The following RYR3 variants were observed in gnomAD, a reference collection of about 807,000 sequenced individuals.
RYR3 encodes the protein ryanodine receptor 3, also known as brain ryanodine receptor-calcium release channel.
Under a neutral mutation model 584.3 loss-of-function variants are expected in RYR3, and 207 were observed. The observed-to-expected ratio is 0.35, with a 90% CI of 0.32 to 0.40. RYR3 has a LOEUF of 0.40. Ranked by LOEUF, RYR3 falls within the 10% of genes least tolerant of loss-of-function variation. The pLI, the probability that RYR3 is intolerant of heterozygous loss-of-function variation, is 1.00. For synonymous variants in RYR3, 2,416 were observed against 2,248.5 expected (o/e 1.07, Z -2.11); for missense variants, 5,616 against 6,089.2 (o/e 0.92, Z 2.59).
chr15:33,488,931 A>G (rs2050731630), intron 2 of RYR3, among the ~76,000 whole-genome samples: 1 of 152,230 alleles, frequency 6.6e-6, no homozygotes, highest in African/African-American at 2.4e-5. Context: ...TTTTCAAACC[A>G]GGAGGTAAAA....
At chr15:33,643,493 TAGGA>T (rs2061942770) in intron 27 of RYR3, among the ~76,000 whole-genome samples, 1 of 152,166 alleles carries the variant, frequency 6.6e-6, no homozygotes, top group South Asian at 2.1e-4. Context: ...ATGATAGCTG[TAGGA>T]AGGAAGAGAG....
intron 1 of RYR3, among the ~76,000 whole-genome samples, chr15:33,391,761 T>C (rs1440308925): frequency 1.3e-5 from 2 of 152,216 alleles, no homozygotes; most frequent in East Asian, 3.8e-4. Context: ...TTTCCATTTC[T>C]TTAGGGTTCT....
rs773780181 is a variant in RYR3 at position 33,841,915 on chromosome 15, G to A, written c.13089G>A (p.Glu4363=). 6 of 1,597,634 alleles carry A rather than the reference G, an allele frequency of 3.8e-6. No individual in the cohort carries two copies. Among genetic ancestry groups the A allele is most frequent in the African/African-American group, 1.3e-5 (1 of 74,626 alleles). The change falls in exon 91 of 104, where the codon GAG becomes GAA. Residue 4363 remains glutamate (E), a synonymous_variant. Coordinates refer to ENST00000634891, the MANE Select transcript of RYR3 (RefSeq NM_001036.6). Reference sequence around the variant, plus strand: ...AAGACAAAGAAGAGGAGCAAGCTGAGTACCTGTGGACAGAAGTGACAAAAA... The same window carrying A: ...AAGACAAAGAAGAGGAGCAAGCTGAATACCTGTGGACAGAAGTGACAAAAA... The part of the protein sequence containing the change: ...EDKDKEEEQA[E]YLWTEVTKKK...
intron 94 of RYR3, chr15:33,850,565 T>C (rs2079033092): frequency 6.6e-6 from 1 of 150,376 alleles, no homozygotes; most frequent in Non-Finnish European, 1.5e-5. Flanking sequence ...TAGACCAATG[T>C]TTAATTTTTT....
intron 1 of RYR3, among the ~76,000 whole-genome samples, chr15:33,399,682 C>T (rs189627195): frequency 3.8e-4 from 58 of 152,112 alleles, no homozygotes; most frequent in Non-Finnish European, 6.9e-4. Context: ...TGTTCATGGG[C>T]GACAGCTGCT....
Position 33,613,177 on chromosome 15 carries a change from C to A in RYR3, c.2165-6C>A, listed in dbSNP as rs773031795. On this transcript the variant is annotated splice_polypyrimidine_tract_variant and splice_region_variant and intron_variant, in intron 18 of 103. Coordinates refer to ENST00000634891, the MANE Select transcript of RYR3 (RefSeq NM_001036.6). The stretch of plus-strand genomic sequence containing the variant: ...CACAGCCTTCTTCCTGTTCTTTCCT[C>A]ACCAGGCCGGATACCCAGAGCTGTG... The A allele has an allele frequency of 7.4e-6, 12 of 1,611,906 alleles. No homozygotes were observed. The highest frequency in any genetic ancestry group is 8.5e-7 in the Non-Finnish European group (1 of 1,178,582).
At chr15:33,472,512 C>T (rs567640643) in intron 1 of RYR3, among the ~76,000 whole-genome samples, 5 of 152,284 alleles carry the variant, frequency 3.3e-5, no homozygotes, top group East Asian at 3.9e-4. Context: ...AGGTCACTTC[C>T]GTAACTTAAC....
intron 21 of RYR3, among the ~76,000 whole-genome samples, chr15:33,629,347 A>G (rs887065213): frequency 5.3e-5 from 8 of 152,262 alleles, no homozygotes; most frequent in Non-Finnish European, 8.8e-5. Flanking sequence ...AAAAGTGTAA[A>G]ATAGTCACCA....
chr15:33,356,088 G>GAGTATACTCACA (rs1260585025), intron 1 of RYR3, among the ~76,000 whole-genome samples: 5 of 152,116 alleles, frequency 3.3e-5, no homozygotes, highest in African/African-American at 1.2e-4. Context: ...GTATAGATTT[G>GAGTATACTCACA]TGAATCATGC....
intron 3 of RYR3, among the ~76,000 whole-genome samples, chr15:33,517,543 G>A (rs537072744): frequency 1.8e-4 from 27 of 152,186 alleles, no homozygotes; most frequent in African/African-American, 3.6e-4. Flanking sequence ...AAATACAGTC[G>A]TCGTTTTCTC....
At chr15:33,852,281 G>C (rs773303741) in intron 94 of RYR3, 1 of 152,218 alleles carries the variant, frequency 6.6e-6, no homozygotes, top group Non-Finnish European at 1.5e-5. Flanking sequence ...ATTCTGGATA[G>C]GAACAACATA....
intron 75 of RYR3, among the ~76,000 whole-genome samples, chr15:33,817,857 T>G (rs552448885): frequency 1.1e-4 from 16 of 152,304 alleles, no homozygotes; most frequent in African/African-American, 3.9e-4. Flanking sequence ...CCCATGTAGT[T>G]CTCACCAATT....
chr15:33,352,473 A>T (rs1009907760), intron 1 of RYR3, among the ~76,000 whole-genome samples: 12 of 151,998 alleles, frequency 7.9e-5, no homozygotes, highest in African/African-American at 2.7e-4. Flanking sequence ...CTAGATTCCC[A>T]CTGCTGAGCC....
intron 38 of RYR3, among the ~76,000 whole-genome samples, chr15:33,682,120 C>G (rs2064670350): frequency 6.6e-6 from 1 of 152,212 alleles, no homozygotes; most frequent in Admixed American, 6.5e-5. Context: ...GTTACACCAA[C>G]TTTGGTAGGT....
intron 2 of RYR3, among the ~76,000 whole-genome samples, chr15:33,482,329 TC>T (rs2050051309): frequency 6.6e-6 from 1 of 152,222 alleles, no homozygotes; most frequent in African/African-American, 2.4e-5. Flanking sequence ...TCATCATTCT[TC>T]TATATGTAAC....
intron 2 of RYR3, among the ~76,000 whole-genome samples, chr15:33,475,212 G>A (rs2049271205): frequency 6.6e-6 from 1 of 152,162 alleles, no homozygotes; most frequent in African/African-American, 2.4e-5. Context: ...GCCAAATGAG[G>A]TGCAGGACAA....
At chr15:33,726,573 GT>G (rs1270732947) in intron 46 of RYR3, 67 bp downstream of exon 46, 1 of 1,497,378 alleles carries the variant, frequency 6.7e-7, no homozygotes, top group African/African-American at 1.4e-5. Context: ...GCAGGACTCT[GT>G]CCCCAGCACA....
At chr15:33,773,155 G>A (rs769146844) in intron 63 of RYR3, among the ~76,000 whole-genome samples, 11 of 152,210 alleles carry the variant, frequency 7.2e-5, no homozygotes, top group Admixed American at 1.3e-4. Context: ...CAGATTTTCT[G>A]CATTCATCCT....
intron 74 of RYR3, among the ~76,000 whole-genome samples, chr15:33,816,114 G>A (rs1262758385): frequency 1.3e-5 from 2 of 152,150 alleles, no homozygotes; most frequent in Non-Finnish European, 2.9e-5. Context: ...GAGTTTAATG[G>A]CTCTGGTGTT....
Sources: gnomAD v4.1 joint callset for allele counts (sites outside exome capture counted in the v4.1 genomes callset) on GRCh38, gnomAD v4.1.1 for gene constraint, MANE v1.5 for transcripts, NCBI Gene and HGNC (gene_info 2026-07-23, HGNC 2026-07-21) for gene names.